The following KANK1 variants were observed in gnomAD, a reference collection of about 807,000 sequenced individuals.
KANK1 encodes KN motif and ankyrin repeat domains 1.
KANK1 carries 109 observed loss-of-function variants against 106.2 expected under a neutral mutation model. The observed-to-expected ratio is 1.03, with a 90% CI of 0.88 to 1.20. The LOEUF (loss-of-function observed/expected upper bound fraction) is 1.20. Among genes scored for constraint, KANK1 ranks in the 50% most tolerant of loss-of-function variants. The pLI is 0.00. For missense variants in KANK1, 2,399 were observed against 1,710.7 expected, an observed-to-expected ratio of 1.40 and a Z score of -7.10; for synonymous variants, 873 against 652.2, an observed-to-expected ratio of 1.34 and a Z score of -5.16.
chr9:588,589 A>C (rs895539829), intron 1 of KANK1, among the ~76,000 whole-genome samples: 1 of 152,198 alleles, frequency 6.6e-6, no homozygotes, highest in African/African-American at 2.4e-5. Flanking sequence ...ATTTGAAAAA[A>C]AAAAGTGTTT....
chr9:561,497 A>C (rs1405102935), intron 1 of KANK1, among the ~76,000 whole-genome samples: 1 of 152,204 alleles, frequency 6.6e-6, no homozygotes, highest in Non-Finnish European at 1.5e-5. Flanking sequence ...TCTCAAATAC[A>C]CTCATCACTG....
rs1826479090 is a variant in KANK1, at chr9:712,630, C to T, written c.1864C>T (p.Leu622Phe). 1 of 1,614,168 alleles carries T rather than the reference C, an allele frequency of 6.2e-7. No individual in the cohort carries two copies. The highest frequency in any genetic ancestry group is 8.5e-7 in the Non-Finnish European group (1 of 1,180,038). The change falls in exon 3 of 12, where the codon CTC becomes TTC. Residue 622 changes from leucine (L) to phenylalanine (F), a missense_variant. Coordinates refer to ENST00000382297, the MANE Select transcript of KANK1 (RefSeq NM_015158.5). ...CACACTCCTCAAGACAAACTTGAAT[C>T]TCAAAGAAGTGCGGTCTATCGGTTG... ...DLTLLKTNLN[L>F]KEVRSIGCGD... is the part of the protein sequence containing the mutation.
At chr9:670,925 C>T (rs10975697) in intron 1 of KANK1, among the ~76,000 whole-genome samples, 1 of 138,658 alleles carries the variant, frequency 7.2e-6, no homozygotes, top group Non-Finnish European at 1.5e-5. Context: ...ATATGAAAAT[C>T]TGATTCTCTT....
intron 1 of KANK1, among the ~76,000 whole-genome samples, chr9:508,027 G>C (rs1007509429): frequency 1.3e-5 from 2 of 149,652 alleles, no homozygotes; most frequent in African/African-American, 4.9e-5. Context: ...TTACCATGTT[G>C]GCCAGGCTGG....
At chr9:620,892 T>G (rs748899520) in intron 1 of KANK1, among the ~76,000 whole-genome samples, 2 of 152,204 alleles carry the variant, frequency 1.3e-5, no homozygotes, top group Non-Finnish European at 2.9e-5. Flanking sequence ...AATTTTACTC[T>G]TAACCAATTT....
intron 2 of KANK1, 110 bp from the exon 3 acceptor site, chr9:710,694 G>A (rs1466017269): frequency 1.1e-6 from 1 of 916,394 alleles, no homozygotes; most frequent in African/African-American, 1.7e-5. Flanking sequence ...ACATAGGTGT[G>A]TCAACTCTTA....
At chr9:706,176 A>G (rs978133700) in intron 2 of KANK1, among the ~76,000 whole-genome samples, 2 of 152,204 alleles carry the variant, frequency 1.3e-5, no homozygotes, top group Admixed American at 6.5e-5. Flanking sequence ...TTGCTGGAGA[A>G]TGAAACTTGA....
At chr9:620,519 C>G (rs568620311) in intron 1 of KANK1, among the ~76,000 whole-genome samples, 1 of 152,162 alleles carries the variant, frequency 6.6e-6, no homozygotes, top group African/African-American at 2.4e-5. Flanking sequence ...TCTCCTGCCT[C>G]TGCCTCCTGA....
chr9:633,445 G>A (rs909824472), intron 1 of KANK1, among the ~76,000 whole-genome samples: 2 of 152,034 alleles, frequency 1.3e-5, no homozygotes, highest in African/African-American at 2.4e-5. Context: ...GTGACAGAGC[G>A]AGACTCCGTC....
At position 527,127 on chromosome 9, in the gene KANK1, T is replaced by C. The variant is rs1480368587; in HGVS notation, c.-84+22373T>C. Among the ~76,000 whole-genome samples the C allele has an allele frequency of 4.0e-5, 6 of 151,780 alleles. No individual in the cohort carries two copies. In the South Asian group the frequency reaches 1.2e-3, roughly 31 times the overall value. ...CAAACTGAAGCCTAACCTTCCTTTC[T>C]GTGTGTTTGCACACCTCAGGGTAGC... On this transcript the variant is annotated intron_variant, in intron 1 of 11. Transcript: ENST00000382297.
intron 1 of KANK1, among the ~76,000 whole-genome samples, chr9:666,101 A>G (rs1844498348): frequency 6.6e-6 from 1 of 152,102 alleles, no homozygotes; most frequent in African/African-American, 2.4e-5. Flanking sequence ...GGATCGCTTG[A>G]GACCAAGAAA....
intron 1 of KANK1, among the ~76,000 whole-genome samples, chr9:654,667 C>T (rs946196461): frequency 6.6e-6 from 1 of 152,094 alleles, no homozygotes; most frequent in African/African-American, 2.4e-5. Flanking sequence ...TTAAGTCACC[C>T]TTCTAAGACA....
At chr9:580,332 C>G (rs1339689764) in intron 1 of KANK1, among the ~76,000 whole-genome samples, 2 of 152,280 alleles carry the variant, frequency 1.3e-5, no homozygotes, top group East Asian at 3.9e-4. Flanking sequence ...GAGTGAGCAG[C>G]AGCAAGATTT....
intron 1 of KANK1, among the ~76,000 whole-genome samples, chr9:561,183 CA>C (rs1563771215): frequency 6.6e-6 from 1 of 152,110 alleles, no homozygotes; most frequent in African/African-American, 2.4e-5. Context: ...TTCTCAACTT[CA>C]GGGGGGCAGG....
chr9:584,347 G>A lies in KANK1; in HGVS notation c.-84+79593G>A, dbSNP rs116519231. Among the ~76,000 whole-genome samples the A allele has an allele frequency of 4.1e-3, 627 of 152,236 alleles. 7 individuals are homozygous for A. The highest frequency in any genetic ancestry group is 0.014 in the African/African-American group (588 of 41,554). Reference sequence around the variant, plus strand: ...TCATGCATACATATAAAAGTGGAAGGCGGTTCAACAAAGTGCTAATTATCC... The same window carrying A: ...TCATGCATACATATAAAAGTGGAAGACGGTTCAACAAAGTGCTAATTATCC... On this transcript the variant is annotated intron_variant, in intron 1 of 11. Coordinates refer to ENST00000382297, the MANE Select transcript of KANK1 (RefSeq NM_015158.5).
chr9:691,355 C>T (rs563378894), intron 2 of KANK1, among the ~76,000 whole-genome samples: 28 of 151,292 alleles, frequency 1.9e-4, no homozygotes, highest in Non-Finnish European at 3.1e-4. Context: ...ATTCGTTTAA[C>T]TTTTAAGAAC....
intron 2 of KANK1, chr9:684,094 C>T (rs1818082004): frequency 1.1e-6 from 1 of 895,980 alleles, no homozygotes; most frequent in Non-Finnish European, 1.3e-6. Context: ...TGAAAAGCCC[C>T]TGGCTCATCA....
chr9:625,892 C>A (rs932855882), intron 1 of KANK1, among the ~76,000 whole-genome samples: 1 of 152,076 alleles, frequency 6.6e-6, no homozygotes, highest in African/African-American at 2.4e-5. Context: ...TTAACCACTC[C>A]CCACGGTCCC....
At chr9:576,397 A>G (rs1820571753) in intron 1 of KANK1, among the ~76,000 whole-genome samples, 1 of 152,232 alleles carries the variant, frequency 6.6e-6, no homozygotes, top group African/African-American at 2.4e-5. Context: ...ACAGATAGGT[A>G]AGAAAGCAGA....
Sources: allele counts gnomAD v4.1 joint callset (sites outside exome capture counted in the v4.1 genomes callset), GRCh38; gene constraint gnomAD v4.1.1; transcripts MANE v1.5; gene names NCBI Gene and HGNC (gene_info 2026-07-23, HGNC 2026-07-21).